The following AS3MT variants were observed in gnomAD, a reference collection of about 807,000 sequenced individuals.
AS3MT encodes the protein arsenite methyltransferase.
A neutral mutation model predicts 45.3 loss-of-function variants in AS3MT; 47 were observed. The ratio of observed to expected loss-of-function variants is 1.04; its 90% CI spans 0.82 to 1.32. The LOEUF is 1.32. Ranked by LOEUF, AS3MT falls within the 40% of genes most tolerant of loss-of-function variation. The pLI is 0.00. For synonymous variants in AS3MT, 141 were observed against 152.8 expected (o/e 0.92, Z 0.57); for missense variants, 396 against 451.1 (o/e 0.88, Z 1.11).
chr10:102,900,166 A>G (rs552143698), intron 10 of AS3MT, among the ~76,000 whole-genome samples: 3 of 152,328 alleles, frequency 2.0e-5, no homozygotes, highest in Non-Finnish European at 4.4e-5. Context: ...GAGCATCAGC[A>G]ATTGCTAGTG....
chr10:102,873,096 G>A lies in AS3MT; in HGVS notation c.322-1G>A. ...TCAAAACTATATTTTTCTTACTTTA[G>A]GTGGAAGTGGCTGAAAAGTATCTTG... is the stretch of plus-strand genomic sequence containing the variant. On this transcript the variant is annotated splice_acceptor_variant, in intron 4 of 10. Transcript: ENST00000369880. LOFTEE classifies it high-confidence loss of function. The A allele has an allele frequency of 1.0e-5, 16 of 1,568,268 alleles. No homozygotes were observed. Among genetic ancestry groups the A allele is most frequent in the Non-Finnish European group, 1.3e-5 (15 of 1,164,930 alleles).
Position 102,873,429 on chromosome 10 carries a change from C to T in AS3MT, c.458+196C>T, listed in dbSNP as rs546957061. Among the ~76,000 whole-genome samples, 217 of 152,178 alleles carry T rather than the reference C, an allele frequency of 1.4e-3. 1 individual carries two copies. The highest frequency in any genetic ancestry group is 4.9e-3 in the African/African-American group (205 of 41,516). ...TCAAGTAGCTGGGATTATAGGCACA[C>T]GCTACCACATCCAGCTAATTTTTTA... On this transcript the variant is annotated intron_variant, in intron 5 of 10. Coordinates refer to ENST00000369880, the MANE Select transcript of AS3MT (RefSeq NM_020682.4).
intron 5 of AS3MT, among the ~76,000 whole-genome samples, chr10:102,873,544 C>T (rs1236544087): frequency 6.6e-6 from 1 of 152,170 alleles, no homozygotes; most frequent in Non-Finnish European, 1.5e-5. Context: ...CTTCCACCTC[C>T]CAAAGTGCTG....
intron 10 of AS3MT, among the ~76,000 whole-genome samples, chr10:102,898,337 T>C (rs1042280766): frequency 9.2e-5 from 14 of 152,090 alleles, no homozygotes; most frequent in African/African-American, 3.4e-4. Context: ...GGCTCACACC[T>C]GTAATCCCAG....
intron 10 of AS3MT, among the ~76,000 whole-genome samples, chr10:102,895,763 C>A (rs540774937): frequency 6.6e-6 from 1 of 151,534 alleles, no homozygotes; most frequent in East Asian, 2.0e-4. Context: ...AAACAAAAAA[C>A]CCCAATAATA....
intron 5 of AS3MT, among the ~76,000 whole-genome samples, chr10:102,874,379 A>G (rs773571709): frequency 6.6e-6 from 1 of 152,260 alleles, no homozygotes; most frequent in Non-Finnish European, 1.5e-5. Context: ...TTTTCTGCAC[A>G]TTCAAACTTG....
chr10:102,893,261 A>G (rs549538818), intron 10 of AS3MT, among the ~76,000 whole-genome samples: 1 of 151,950 alleles, frequency 6.6e-6, no homozygotes, highest in South Asian at 2.1e-4. Context: ...ATATTAAGAA[A>G]TTTTAAGGGT....
intron 9 of AS3MT, among the ~76,000 whole-genome samples, chr10:102,889,635 CCTTCCTTCCTTT>C (rs748273343): frequency 0.12 from 17,384 of 144,716 alleles, 1,294 homozygotes; most frequent in East Asian, 0.18. Context: ...TTCCTTCCTT[CCTTCCTTCCTTT>C]CTTCCTTCCT....
chr10:102,889,581 T>G (rs1313702106), intron 9 of AS3MT, among the ~76,000 whole-genome samples: 1 of 151,538 alleles, frequency 6.6e-6, no homozygotes, highest in Non-Finnish European at 1.5e-5. Context: ...CTGATTTCAT[T>G]TCATTCCCTT....
intron 9 of AS3MT, among the ~76,000 whole-genome samples, chr10:102,889,646 T>TC (rs57501409): frequency 4.3e-5 from 6 of 138,622 alleles, no homozygotes; most frequent in East Asian, 2.4e-4. Flanking sequence ...CTTCCTTCCT[T>TC]TCTTCCTTCC....
At chr10:102,870,686 A>C (rs1844665073) in intron 3 of AS3MT, among the ~76,000 whole-genome samples, 1 of 151,992 alleles carries the variant, frequency 6.6e-6, no homozygotes, top group African/African-American at 2.4e-5. Flanking sequence ...CCACTAATCA[A>C]CCTTGGCCCT....
At chr10:102,899,926 C>CA (rs1165678982) in intron 10 of AS3MT, among the ~76,000 whole-genome samples, 1 of 152,192 alleles carries the variant, frequency 6.6e-6, no homozygotes, top group Non-Finnish European at 1.5e-5. Flanking sequence ...CTCGGCCTCT[C>CA]AAAGTGCTGG....
intron 10 of AS3MT, among the ~76,000 whole-genome samples, chr10:102,895,797 C>A (rs1217230981): frequency 6.7e-6 from 1 of 148,472 alleles, no homozygotes; most frequent in African/African-American, 2.5e-5. Context: ...TTTTTTGAGA[C>A]AGAGCTTCGC....
At position 102,870,140 on chromosome 10, in the gene AS3MT, C is replaced by A. The variant is rs1844653878; in HGVS notation, c.99C>A (p.Val33=). ...CAGACCTCCAGACCAACGGCTGTGT[C>A]ACCACAGCCAGGCCGGTCCCCAAGC... ...RSADLQTNGC[V]TTARPVPKHI... Residue 33 remains valine (V), a synonymous_variant, in exon 3 of 11, where the codon GTC becomes GTA. Transcript: ENST00000369880. 6.2e-7 allele frequency: 1 copy of A among 1,614,088 alleles called. No individual in the cohort carries two copies. Among genetic ancestry groups the A allele is most frequent in the African/African-American group, 1.3e-5 (1 of 75,046 alleles).
At chr10:102,892,993 T>C (rs1242317718) in intron 10 of AS3MT, among the ~76,000 whole-genome samples, 1 of 111,702 alleles carries the variant, frequency 9.0e-6, no homozygotes, top group Non-Finnish European at 1.9e-5. Flanking sequence ...TCAAAATAAA[T>C]AAATAAATAA....
rs1483438917 is a variant in AS3MT at position 102,887,653 on chromosome 10, T to A, written c.886-2891T>A. 2.6e-5 allele frequency among the ~76,000 whole-genome samples: 4 copies of A among 152,182 alleles called. No homozygotes were observed. The South Asian group carries it at 8.3e-4, about 31-fold the overall frequency. On this transcript the variant is annotated intron_variant, in intron 9 of 10. Transcript: ENST00000369880. ...ACTCCTGTTCTTTTTTGGTTTCCAG[T>A]TGCTTGGAATGTCTTTTTTCCACCC...
intron 6 of AS3MT, among the ~76,000 whole-genome samples, chr10:102,875,283 C>T (rs543258217): frequency 5.3e-5 from 8 of 152,086 alleles, no homozygotes; most frequent in South Asian, 4.2e-4. Context: ...TTGAGACCAG[C>T]TTGGCCAACA....
intron 10 of AS3MT, among the ~76,000 whole-genome samples, chr10:102,892,996 A>G (rs1290680261): frequency 1.4e-5 from 2 of 143,814 alleles, no homozygotes; most frequent in Non-Finnish European, 3.0e-5. Context: ...AAATAAATAA[A>G]TAAATAAATA....
Position 102,877,274 on chromosome 10 carries a change from G to A in AS3MT, c.610+239G>A, listed in dbSNP as rs546078743. ...ATAATAATACAATCTGCCTTATAGG[G>A]CTGTTATGAAGATTAAATGGGATAA... On this transcript the variant is annotated intron_variant, in intron 7 of 10. Coordinates refer to ENST00000369880, the MANE Select transcript of AS3MT (RefSeq NM_020682.4). 3.3e-5 allele frequency among the ~76,000 whole-genome samples: 5 copies of A among 152,280 alleles called. No individual in the cohort carries two copies. The South Asian group carries it at 8.3e-4, about 25-fold the overall frequency.
Sources: allele counts gnomAD v4.1 joint callset (sites outside exome capture counted in the v4.1 genomes callset), GRCh38; gene constraint gnomAD v4.1.1; transcripts MANE v1.5; gene names NCBI Gene and HGNC (gene_info 2026-07-23, HGNC 2026-07-21).